PRKAR1B: variants seen among roughly 807,000 people sequenced by gnomAD.
PRKAR1B encodes the protein cAMP-dependent protein kinase type I-beta regulatory subunit.
A neutral mutation model predicts 46.5 loss-of-function variants in PRKAR1B; 22 were observed. The observed-to-expected ratio is 0.47, with a 90% CI of 0.34 to 0.68. The LOEUF (loss-of-function observed/expected upper bound fraction) is 0.68. PRKAR1B is among the 30% of genes least tolerant of loss of function. The probability of loss-of-function intolerance (pLI) is 0.01; values close to 1 mark genes in which losing one functional copy is unlikely to be tolerated. For synonymous variants in PRKAR1B, 259 were observed against 217.7 expected (o/e 1.19, Z -1.67); for missense variants, 445 against 535.6 (o/e 0.83, Z 1.67).
At chr7:588,529 C>A in intron 7 of PRKAR1B, among the ~76,000 whole-genome samples, 2 of 11,032 alleles carry the variant, frequency 1.8e-4, no homozygotes, top group South Asian at 0.01. Flanking sequence ...ATGGTGGTGA[C>A]GGTGGTGATG....
chr7:632,487 A>G (rs1006422598), intron 4 of PRKAR1B, among the ~76,000 whole-genome samples: 2 of 152,188 alleles, frequency 1.3e-5, no homozygotes, highest in African/African-American at 2.4e-5. Flanking sequence ...CTGCGTCTGA[A>G]GACCACCAGT....
chr7:695,346 T>C (rs963305053), intron 2 of PRKAR1B, among the ~76,000 whole-genome samples: 1 of 152,092 alleles, frequency 6.6e-6, no homozygotes, highest in Non-Finnish European at 1.5e-5. Context: ...CACACGGGGA[T>C]GAAGTACAGA....
chr7:703,907 A>G (rs1187566220), intron 2 of PRKAR1B, among the ~76,000 whole-genome samples: 1 of 152,196 alleles, frequency 6.6e-6, no homozygotes, highest in African/African-American at 2.4e-5. Flanking sequence ...AATAAATAAC[A>G]GAGAGATATC....
chr7:600,059 G>A (rs1781504433), intron 6 of PRKAR1B, among the ~76,000 whole-genome samples: 1 of 152,268 alleles, frequency 6.6e-6, no homozygotes, highest in Admixed American at 6.5e-5. Context: ...GCATGGGCAG[G>A]GAGTGTGTAA....
At chr7:657,429 AT>A (rs1785272962) in intron 4 of PRKAR1B, among the ~76,000 whole-genome samples, 1 of 146,536 alleles carries the variant, frequency 6.8e-6, no homozygotes, top group Non-Finnish European at 1.5e-5. Context: ...GAATGAATGA[AT>A]GGGTGAATGA....
At chr7:588,750 G>GTGATGGTGA (rs1780784870) in intron 7 of PRKAR1B, among the ~76,000 whole-genome samples, 1 of 7,748 alleles carries the variant, frequency 1.3e-4, no homozygotes, top group Non-Finnish European at 2.6e-4. Context: ...AGTGGTGATG[G>GTGATGGTGA]TGATGGTGAT....
Position 550,442 on chromosome 7 carries a change from G to A in PRKAR1B, c.1134C>T (p.Ser378=), listed in dbSNP as rs1321932159. The change falls in exon 11 of 11, where the codon TCC becomes TCT. Residue 378 remains serine, a synonymous_variant. Coordinates refer to ENST00000537384, the MANE Select transcript of PRKAR1B (RefSeq NM_001164760.2). ...GCGGGAGCTGTGCTCAGACGGTGAG[G>A]GAGATGAAGCTGTTGTAACGCTGAA... ...RNIQRYNSFI[S]LTV The A allele has an allele frequency of 1.9e-6, 3 of 1,591,712 alleles. No individual in the cohort carries two copies. Among genetic ancestry groups the A allele is most frequent in the African/African-American group, 1.3e-5 (1 of 74,554 alleles).
chr7:635,508 G>A (rs1245339322), intron 4 of PRKAR1B, among the ~76,000 whole-genome samples: 1 of 152,188 alleles, frequency 6.6e-6, no homozygotes, highest in Non-Finnish European at 1.5e-5. Flanking sequence ...GTCCTCTCCT[G>A]GCAGACGCAC....
chr7:677,226 T>C lies in PRKAR1B; in HGVS notation c.440+3A>G. ...TGCCGGGGCAGGGGACGAGTCTGCC[T>C]ACCTCCTCTCGTTGTCATCCAGGTG... On this transcript the variant is annotated splice_donor_region_variant and intron_variant, in intron 4 of 10. Transcript: ENST00000537384. 6.2e-7 allele frequency: 1 copy of C among 1,614,174 alleles called. No individual in the cohort carries two copies. The highest frequency in any genetic ancestry group is 8.5e-7 in the Non-Finnish European group (1 of 1,179,980).
intron 9 of PRKAR1B, among the ~76,000 whole-genome samples, chr7:558,076 C>T (rs1027628963): frequency 2.5e-4 from 38 of 151,042 alleles, no homozygotes; most frequent in Non-Finnish European, 2.2e-4. Flanking sequence ...CACTTTGGGA[C>T]GCCGAGGTGG....
At chr7:686,260 C>A (rs1779091130) in intron 2 of PRKAR1B, among the ~76,000 whole-genome samples, 1 of 151,514 alleles carries the variant, frequency 6.6e-6, no homozygotes, top group South Asian at 2.1e-4. Flanking sequence ...GAAATCGTAC[C>A]ACTGCACTCC....
chr7:692,997 C>T (rs556251890), intron 2 of PRKAR1B, among the ~76,000 whole-genome samples: 95 of 151,762 alleles, frequency 6.3e-4, no homozygotes, highest in African/African-American at 2.1e-3. Context: ...GGCAGTGGTG[C>T]GATCTCGGCT....
At chr7:625,079 G>A (rs1199174783) in intron 4 of PRKAR1B, among the ~76,000 whole-genome samples, 1 of 152,178 alleles carries the variant, frequency 6.6e-6, no homozygotes, top group East Asian at 1.9e-4. Context: ...CACCGGAAGT[G>A]AATTAAACTA....
intron 2 of PRKAR1B, among the ~76,000 whole-genome samples, chr7:695,121 A>G (rs1779657902): frequency 6.6e-6 from 1 of 152,108 alleles, no homozygotes; most frequent in South Asian, 2.1e-4. Context: ...GGAGCCCCAC[A>G]TCCTCACGCC....
At chr7:620,239 T>C (rs1235739668) in intron 4 of PRKAR1B, among the ~76,000 whole-genome samples, 1 of 152,196 alleles carries the variant, frequency 6.6e-6, no homozygotes, top group African/African-American at 2.4e-5. Flanking sequence ...GAGATTAATG[T>C]GAGGGAGAAA....
intron 4 of PRKAR1B, among the ~76,000 whole-genome samples, chr7:622,040 T>C (rs112830544): frequency 0.063 from 9,529 of 152,334 alleles, 337 homozygotes; most frequent in Middle Eastern, 0.1. Flanking sequence ...CCACTCTGGC[T>C]TTTTTATTCC....
chr7:713,457 A>G (rs1780761285), intron 1 of PRKAR1B, among the ~76,000 whole-genome samples: 1 of 147,466 alleles, frequency 6.8e-6, no homozygotes, highest in African/African-American at 2.6e-5. Context: ...TCTCCCACTC[A>G]CCCGTACACA....
At chr7:681,412 A>T (rs1304753351) in intron 2 of PRKAR1B, among the ~76,000 whole-genome samples, 1 of 152,020 alleles carries the variant, frequency 6.6e-6, no homozygotes, top group Non-Finnish European at 1.5e-5. Context: ...TGTATGTACC[A>T]GTTTTGTGAG....
At chr7:579,145 G>A in intron 9 of PRKAR1B, 111 bp downstream of exon 9, 1 of 1,595,128 alleles carries the variant, frequency 6.3e-7, no homozygotes, top group Non-Finnish European at 8.5e-7. Context: ...GCGGTCACAG[G>A]GCAGCACTGA....
Sources: allele counts gnomAD v4.1 joint callset (sites outside exome capture counted in the v4.1 genomes callset), GRCh38; gene constraint gnomAD v4.1.1; transcripts MANE v1.5; gene names NCBI Gene and HGNC (gene_info 2026-07-23, HGNC 2026-07-21).